The following TGIF1 variants were observed in gnomAD, a reference collection of about 807,000 sequenced individuals.
The protein encoded by TGIF1 is homeobox protein TGIF1.
In TGIF1, 4 loss-of-function variants were observed where a neutral mutation model predicts 19.3. The observed-to-expected ratio is 0.21, with a 90% CI of 0.10 to 0.47. TGIF1 has a LOEUF of 0.47. Ranked by LOEUF, TGIF1 falls within the 20% of genes least tolerant of loss-of-function variation. TGIF1 has a pLI of 0.98. For synonymous variants in TGIF1, 122 were observed against 129.3 expected, an observed-to-expected ratio of 0.94 and a Z score of 0.38; for missense variants, 275 against 341.4, an observed-to-expected ratio of 0.81 and a Z score of 1.53.
At chr18:3,447,159 A>G (rs1327871684), upstream of TGIF1, among the ~76,000 whole-genome samples, 8 of 152,154 alleles carry the variant, frequency 5.3e-5, no homozygotes. Flanking sequence ...GCTTCAGAAG[A>G]TAAGACGCCA....
intron 2 of TGIF1, among the ~76,000 whole-genome samples, chr18:3,436,584 T>C (rs9964901): frequency 0.88 from 134,648 of 152,154 alleles, 59,789 homozygotes; most frequent in East Asian, 1. Context: ...TTTGGGAGGC[T>C]GAGGCAGGTG....
At position 3,422,673 on chromosome 18, in the gene TGIF1, C is replaced by CTTTTTTGTTTT. The variant is rs1481496826; in HGVS notation, c.-45+4464_-45+4465insGTTTTTTTTTT. On this transcript the variant is annotated intron_variant, in intron 2 of 3. Coordinates refer to the TGIF1 transcript ENST00000401449. Reference sequence around the variant, plus strand: ...ATGTTAAGTGCCCTATATAGGTGGCCTTTTTTTTTTTTTTTTTTTTTTTTT... The same window carrying CTTTTTTGTTTT: ...ATGTTAAGTGCCCTATATAGGTGGCCTTTTTTGTTTTTTTTTTTTTTTTTTTTTTTTTTTTT... 1.6e-4 allele frequency among the ~76,000 whole-genome samples: 4 copies of CTTTTTTGTTTT among 24,660 alleles called. 1 individual carries two copies. The highest frequency in any genetic ancestry group is 1.7e-3 in the South Asian group (1 of 588). 16.2% of individuals were successfully genotyped at this position (24,660 alleles called of 152,430 possible).
chr18:3,449,388 C>T (rs995609333), upstream of TGIF1: 1 of 985,358 alleles, frequency 1.0e-6, no homozygotes, highest in Non-Finnish European at 1.2e-6. Flanking sequence ...CGCGCCCGGC[C>T]GTCCCCGGGC....
chr18:3,424,461 C>T (rs1358320412), intron 2 of TGIF1, among the ~76,000 whole-genome samples: 1 of 152,134 alleles, frequency 6.6e-6, no homozygotes, highest in Non-Finnish European at 1.5e-5. Context: ...ATTCTCATAT[C>T]AGCTTCTGCA....
At chr18:3,419,896 C>T (rs1280361041) in intron 2 of TGIF1, among the ~76,000 whole-genome samples, 3 of 152,058 alleles carry the variant, frequency 2.0e-5, no homozygotes, top group Non-Finnish European at 2.9e-5. Context: ...ATCCCAGCTA[C>T]TCAGGAGGCT....
chr18:3,457,013 G>A lies in TGIF1; in HGVS notation c.244-352G>A, dbSNP rs2049377309. On this transcript the variant is annotated intron_variant, in intron 2 of 2. Transcript: ENST00000343820. This position sits in a 1 kb window ranked among gnomAD's most constrained non-coding sequence, Gnocchi z 4.9. ...TTTCCTGTAGTTGATTAACTTAAAT[G>A]TTGGGGCAGTAGGTGATAGGTTAAA... 3.6e-6 allele frequency: 2 copies of A among 553,986 alleles called. No individual in the cohort carries two copies. Among genetic ancestry groups the A allele is most frequent in the African/African-American group, 3.8e-5 (2 of 53,068 alleles). The allele number at this position is 553,986 out of a possible 1,614,324, so 34.3% of individuals were successfully genotyped here.
At chr18:3,452,183 G>A (rs2143340755) in intron 1 of TGIF1, 1 of 1,612,758 alleles carries the variant, frequency 6.2e-7, no homozygotes, top group East Asian at 2.2e-5. Flanking sequence ...GGTCCTCCCT[G>A]GCGACCCCCT....
intron 2 of TGIF1, among the ~76,000 whole-genome samples, chr18:3,437,719 G>A (rs2082632248): frequency 6.6e-6 from 1 of 152,190 alleles, no homozygotes; most frequent in South Asian, 2.1e-4. Context: ...GCAAAATGAT[G>A]ACAGAAGTCA....
intron 1 of TGIF1, chr18:3,452,213 C>T: frequency 6.3e-7 from 1 of 1,587,958 alleles, no homozygotes; most frequent in Non-Finnish European, 8.6e-7. Context: ...TGGGGTCCTC[C>T]TGCGCCCCCC....
At chr18:3,439,657 A>T (rs545630371) in intron 2 of TGIF1, among the ~76,000 whole-genome samples, 78 of 152,068 alleles carry the variant, frequency 5.1e-4, no homozygotes, top group Non-Finnish European at 8.7e-4. Context: ...AGATTTTTTT[A>T]AAATAAAATT....
In TGIF1 at chr18:3,457,872, C is replaced by T; in HGVS notation, c.751C>T (p.Gln251Ter). The change falls in exon 3 of 3, where the codon CAG becomes TAG. Residue 251 changes from glutamine to a stop codon, truncating the protein, a stop_gained. Transcript: ENST00000343820. LOFTEE classifies it high-confidence loss of function. This position sits in a 1 kb window ranked among gnomAD's most constrained non-coding sequence, Gnocchi z 4.9. ...PDLNQDFSGF[Q>*]LLVDVALKRA... ...CCTCAACCAGGACTTCAGTGGATTTCAGCTTCTAGTGGATGTTGCACTCAA... is the reference window on the plus strand; with the variant it reads ...CCTCAACCAGGACTTCAGTGGATTTTAGCTTCTAGTGGATGTTGCACTCAA... The T allele has an allele frequency of 6.2e-7, 1 of 1,606,090 alleles. No homozygotes were observed. The highest frequency in any genetic ancestry group is 1.6e-4 in the Middle Eastern group (1 of 6,062).
Position 3,451,595 on chromosome 18 carries a change from A to G in TGIF1, c.16+1090A>G, listed in dbSNP as rs575945486. Reference sequence around the variant, plus strand: ...AGCCGCCTGGAGTTTGGAACTCCACATTCTTTCAGACCCGGCCCGCTGCGG... The same window carrying G: ...AGCCGCCTGGAGTTTGGAACTCCACGTTCTTTCAGACCCGGCCCGCTGCGG... On this transcript the variant is annotated intron_variant, in intron 1 of 2. Coordinates refer to ENST00000343820, the MANE Select transcript of TGIF1 (RefSeq NM_003244.4). This position sits in a 1 kb window ranked among gnomAD's most constrained non-coding sequence, Gnocchi z 5.4. The G allele has an allele frequency of 3.6e-5, 38 of 1,044,170 alleles. No individual in the cohort carries two copies. Among genetic ancestry groups the G allele is most frequent in the African/African-American group, 8.4e-5 (5 of 59,602 alleles). The allele number at this position is 1,044,170 out of a possible 1,614,324, so 64.7% of individuals were successfully genotyped here.
chr18:3,423,530 A>G (rs1029359600), intron 2 of TGIF1, among the ~76,000 whole-genome samples: 1 of 151,824 alleles, frequency 6.6e-6, no homozygotes, highest in Non-Finnish European at 1.5e-5. Flanking sequence ...AAATACAAAA[A>G]ATTAGCCGGG....
chr18:3,448,721 T>C, upstream of TGIF1: 4 of 351,022 alleles, frequency 1.1e-5, no homozygotes, highest in Non-Finnish European at 1.5e-5. Context: ...GGGTGTCTTT[T>C]TTTTTTTTTT....
rs1201103986 is a variant in TGIF1, at chr18:3,456,734, T to A, written c.243+154T>A. The A allele has an allele frequency of 2.7e-6, 2 of 752,416 alleles. No homozygotes were observed. Among genetic ancestry groups the A allele is most frequent in the Non-Finnish European group, 2.3e-6 (1 of 430,500 alleles). 46.6% of individuals were successfully genotyped at this position (752,416 alleles called of 1,614,324 possible). On this transcript the variant is annotated intron_variant, in intron 2 of 2. Transcript: ENST00000343820. This position sits in a 1 kb window ranked among gnomAD's most constrained non-coding sequence, Gnocchi z 4.2. ...CTTGATAGTGTTAAAAGCTAATAAC[T>A]AGCTATTTAGAGAACACAGAAACAC... is the stretch of plus-strand genomic sequence containing the variant.
In TGIF1 at chr18:3,457,661, A is replaced by G. The variant is rs773196379; in HGVS notation, c.540A>G (p.Ala180=). The stretch of plus-strand genomic sequence containing the variant: ...TGATCTGCCATACCACTGTGACTGC[A>G]TTGAAAGATGTCCCTTTCTCTCTCT... ...PSVICHTTVT[A]LKDVPFSLCQ... is the part of the protein sequence containing the mutation. Residue 180 remains alanine (A), a synonymous_variant, in exon 3 of 3, where the codon GCA becomes GCG. Coordinates refer to ENST00000343820, the MANE Select transcript of TGIF1 (RefSeq NM_003244.4). This position sits in a 1 kb window ranked among gnomAD's most constrained non-coding sequence, Gnocchi z 4.9. The G allele has an allele frequency of 1.9e-6, 3 of 1,614,208 alleles. No individual in the cohort carries two copies. Among genetic ancestry groups the G allele is most frequent in the Non-Finnish European group, 2.5e-6 (3 of 1,180,042 alleles).
At chr18:3,448,250 C>T, upstream of TGIF1, 2 of 985,418 alleles carry the variant, frequency 2.0e-6, no homozygotes, top group Middle Eastern at 5.2e-4. Flanking sequence ...TCGCCCAGCC[C>T]CCGGCTCCTC....
Position 3,457,616 on chromosome 18 carries a change from A to G in TGIF1, c.495A>G (p.Ser165=). 6.2e-7 allele frequency: 1 copy of G among 1,614,234 alleles called. No individual in the cohort carries two copies. Among genetic ancestry groups the G allele is most frequent in the Non-Finnish European group, 8.5e-7 (1 of 1,180,034 alleles). The change falls in exon 3 of 3, where the codon TCA becomes TCG. Residue 165 remains serine, a synonymous_variant. Transcript: ENST00000343820. This position sits in a 1 kb window ranked among gnomAD's most constrained non-coding sequence, Gnocchi z 4.9. ...PLSPKPSSPG[S]VLARPSVICH... The stretch of plus-strand genomic sequence containing the variant: ...CTCCTAAGCCGTCATCCCCGGGATC[A>G]GTTTTGGCTCGTCCATCAGTGATCT...
chr18:3,449,578 CT>C (rs2082833750), upstream of TGIF1: 5 of 924,704 alleles, frequency 5.4e-6, no homozygotes, highest in South Asian at 2.6e-4. Flanking sequence ...ACTGTCGCTG[CT>C]GGAGGAAGAG....
Sources: gnomAD v4.1 joint callset for allele counts (sites outside exome capture counted in the v4.1 genomes callset) on GRCh38, gnomAD v4.1.1 for gene constraint, Gnocchi (gnomAD v3.1) non-coding constraint, MANE v1.5 for transcripts, NCBI Gene and HGNC (gene_info 2026-07-23, HGNC 2026-07-21) for gene names.